The following MAN2B2 variants were observed in gnomAD, a reference collection of about 807,000 sequenced individuals.
MAN2B2 encodes the protein mannosidase alpha class 2B member 2, also known as epididymis-specific alpha-mannosidase.
A neutral mutation model predicts 117.1 loss-of-function variants in MAN2B2; 106 were observed. The ratio of observed to expected loss-of-function variants is 0.90; its 90% confidence interval spans 0.77 to 1.06. The LOEUF (loss-of-function observed/expected upper bound fraction) is 1.06. MAN2B2 is among the 50% of genes least tolerant of loss of function. The pLI, the probability that MAN2B2 is intolerant of heterozygous loss-of-function variation, is 0.00. For missense variants in MAN2B2, 1,326 were observed against 1,381.4 expected, an observed-to-expected ratio of 0.96 and a Z score of 0.64; for synonymous variants, 544 against 595.1, an observed-to-expected ratio of 0.91 and a Z score of 1.25.
chr4:6,610,987 G>T lies in MAN2B2; in HGVS notation c.2367G>T (p.Val789=). ...HGISSQGNGQ[V]EVMLHRRLWN... Reference sequence around the variant, plus strand: ...TCTCCAGCCAAGGGAATGGGCAGGTGGAGGTAGGAGGCACGGTCTGTCCTA... The same window carrying T: ...TCTCCAGCCAAGGGAATGGGCAGGTTGAGGTAGGAGGCACGGTCTGTCCTA... The change falls in exon 14 of 19, where the codon GTG becomes GTT. Residue 789 remains valine (V), a synonymous_variant. Coordinates refer to ENST00000285599, the MANE Select transcript of MAN2B2 (RefSeq NM_015274.3). The T allele has an allele frequency of 1.2e-6, 2 of 1,614,162 alleles. No homozygotes were observed. Among genetic ancestry groups the T allele is most frequent in the Non-Finnish European group, 1.7e-6 (2 of 1,180,012 alleles).
chr4:6,612,990 T>C (rs529813057), intron 15 of MAN2B2, among the ~76,000 whole-genome samples: 1 of 152,234 alleles, frequency 6.6e-6, no homozygotes, highest in African/African-American at 2.4e-5. Flanking sequence ...CCACCTGGGA[T>C]GTGACTCTGA....
chr4:6,620,122 C>T (rs1712099441), intron 18 of MAN2B2, 78 bp downstream of exon 18: 3 of 1,227,724 alleles, frequency 2.4e-6, no homozygotes, highest in Non-Finnish European at 3.4e-6. Context: ...GGTGCACATC[C>T]AACCATCTGC....
rs918719919 is a variant in MAN2B2, at chr4:6,619,596, G to A, written c.2815-331G>A. On this transcript the variant is annotated intron_variant, in intron 17 of 18. Coordinates refer to ENST00000285599, the MANE Select transcript of MAN2B2 (RefSeq NM_015274.3). ...CTGGCTTCCTCCCTGGACTGGGCAC[G>A]GGGCCACCTGAGCAATGTGGGGAGA... 40 of 264,764 alleles carry A rather than the reference G, an allele frequency of 1.5e-4. No individual in the cohort carries two copies. In the East Asian group the frequency reaches 2.7e-3, roughly 18 times the overall value. 16.4% of individuals were successfully genotyped at this position (264,764 alleles called of 1,614,324 possible). A position where few individuals can be genotyped will look rare whatever the true frequency, so the allele number is the denominator to read the frequency against.
At chr4:6,609,636 C>G in intron 12 of MAN2B2, 162 bp from the exon 13 acceptor site, 2 of 891,090 alleles carry the variant, frequency 2.2e-6, no homozygotes, top group South Asian at 3.3e-5. Context: ...CCCAGCCGCT[C>G]GGGGTCCTGG....
intron 7 of MAN2B2, 87 bp from the exon 8 acceptor site, chr4:6,597,026 C>A: frequency 7.4e-7 from 1 of 1,356,026 alleles, no homozygotes; most frequent in Non-Finnish European, 1.0e-6. Flanking sequence ...CCTCTGCAGC[C>A]CCAGCTTCTC....
At chr4:6,579,072 C>T (rs1429865247) in intron 3 of MAN2B2, among the ~76,000 whole-genome samples, 10 of 63,776 alleles carry the variant, frequency 1.6e-4, no homozygotes, top group African/African-American at 1.6e-4. Flanking sequence ...ATCACCATCA[C>T]CACCACCACC....
chr4:6,605,256 G>A lies in MAN2B2; in HGVS notation c.1741G>A (p.Val581Met). The change falls in exon 11 of 19, where the codon GTG becomes ATG. Residue 581 changes from valine to methionine, a missense_variant. By Grantham distance (21) the Val-to-Met change is conservative. Transcript: ENST00000285599. ...RRTSHAGRYL[V>M]PVANDCYIVL... ...CACCAGCCATGCGGGCAGGTACTTGGTGCCTGTGGCAAACGACTGCTACAT... is the reference window on the plus strand; with the variant it reads ...CACCAGCCATGCGGGCAGGTACTTGATGCCTGTGGCAAACGACTGCTACAT... The A allele has an allele frequency of 6.2e-7, 1 of 1,614,218 alleles. No homozygotes were observed. Among genetic ancestry groups the A allele is most frequent in the African/African-American group, 1.3e-5 (1 of 75,052 alleles).
At chr4:6,620,458 C>A (rs1712116211) in intron 18 of MAN2B2, 2 of 200,752 alleles carry the variant, frequency 1.0e-5, no homozygotes, top group South Asian at 1.7e-4. Context: ...CTGTCCGCAC[C>A]ATGCCCTCTG....
chr4:6,611,266 G>A lies in MAN2B2; in HGVS notation c.2551G>A (p.Gly851Arg), dbSNP rs778596906. The change falls in exon 15 of 19, where the codon GGA becomes AGA. Residue 851 changes from glycine (G) to arginine (R), a missense_variant. Gly to Arg is a moderately radical substitution (Grantham distance 125). Transcript: ENST00000285599. Reference protein sequence around the residue: ...ALQHRPVVLFGDLAGTAPKLP... With the variant: ...ALQHRPVVLFRDLAGTAPKLP... ...GCAGCACAGGCCCGTGGTGCTGTTC[G>A]GAGACCTCGCTGGTAAAGGGGCACC... 6.9e-6 allele frequency: 11 copies of A among 1,602,576 alleles called. No individual in the cohort carries two copies. Among genetic ancestry groups the A allele is most frequent in the South Asian group, 1.1e-5 (1 of 89,864 alleles).
At chr4:6,614,710 A>G (rs1169294396) in intron 16 of MAN2B2, among the ~76,000 whole-genome samples, 1 of 152,100 alleles carries the variant, frequency 6.6e-6, no homozygotes, top group Non-Finnish European at 1.5e-5. Context: ...GGAGCCCCCA[A>G]ACACCCAAAT....
chr4:6,614,442 C>T (rs963693180), intron 16 of MAN2B2, 87 bp downstream of exon 16: 27 of 1,492,454 alleles, frequency 1.8e-5, no homozygotes, highest in Admixed American at 1.9e-5. Context: ...CAGGGGCTCA[C>T]CTTAGAGCTA....
At position 6,605,292 on chromosome 4, in the gene MAN2B2, G is replaced by C. The variant is rs543092459; in HGVS notation, c.1777G>C (p.Asp593His). The C allele has an allele frequency of 6.2e-7, 1 of 1,613,408 alleles. No homozygotes were observed. The highest frequency in any genetic ancestry group is 2.2e-5 in the East Asian group (1 of 44,872). ...VANDCYIVLL[D>H]QDTNLMHSIW... Reference sequence around the variant, plus strand: ...AAACGACTGCTACATTGTGCTGCTCGACCAGGATACCAACCTGATGCACAG... The same window carrying C: ...AAACGACTGCTACATTGTGCTGCTCCACCAGGATACCAACCTGATGCACAG... The change falls in exon 11 of 19, where the codon GAC becomes CAC. Residue 593 changes from aspartate (D) to histidine (H), a missense_variant. Physicochemically the swap from Asp to His is moderately conservative, Grantham distance 81. Coordinates refer to ENST00000285599, the MANE Select transcript of MAN2B2 (RefSeq NM_015274.3).
At chr4:6,585,190 T>C (rs1577274890) in intron 3 of MAN2B2, among the ~76,000 whole-genome samples, 1 of 152,258 alleles carries the variant, frequency 6.6e-6, no homozygotes, top group Middle Eastern at 3.4e-3. Flanking sequence ...CCTCCCACAG[T>C]CATCCCCTGC....
rs760840203 is a variant in MAN2B2, at chr4:6,610,053, A to G, written c.2259+3A>G. On this transcript the variant is annotated splice_donor_region_variant and intron_variant, in intron 13 of 18. Coordinates refer to ENST00000285599, the MANE Select transcript of MAN2B2 (RefSeq NM_015274.3). ...ATGTGAACAACAGCATCGCCCGGGT[A>G]TGTCCTGCAATGCCCACAAGGCACG... is the stretch of plus-strand genomic sequence containing the variant. 6.2e-7 allele frequency: 1 copy of G among 1,613,882 alleles called. No homozygotes were observed. Among genetic ancestry groups the G allele is most frequent in the East Asian group, 2.2e-5 (1 of 44,874 alleles).
intron 16 of MAN2B2, among the ~76,000 whole-genome samples, 192 bp downstream of exon 16, chr4:6,614,547 G>A (rs1005746762): frequency 1.3e-5 from 2 of 152,166 alleles, no homozygotes; most frequent in South Asian, 2.1e-4. Flanking sequence ...CAAGCTGGAG[G>A]CGAGGTGGGC....
chr4:6,594,006 C>T lies in MAN2B2; in HGVS notation c.859-528C>T, dbSNP rs111858523. On this transcript the variant is annotated intron_variant, in intron 6 of 18. Coordinates refer to ENST00000285599, the MANE Select transcript of MAN2B2 (RefSeq NM_015274.3). ...GGCCCCAGAGCCTGCCTTCTTCATCCGTGACTGCCCTTGTGAAGGCAAGCT... is the reference window on the plus strand; with the variant it reads ...GGCCCCAGAGCCTGCCTTCTTCATCTGTGACTGCCCTTGTGAAGGCAAGCT... Among the ~76,000 whole-genome samples, 543 of 152,272 alleles carry T rather than the reference C, an allele frequency of 3.6e-3. 4 individuals carry two copies. The highest frequency in any genetic ancestry group is 0.012 in the African/African-American group (508 of 41,546).
Position 6,576,646 on chromosome 4 carries a change from G to T in MAN2B2, c.207G>T (p.Gln69His). 1 of 1,613,974 alleles carries T rather than the reference G, an allele frequency of 6.2e-7. No individual in the cohort carries two copies. Among genetic ancestry groups the T allele is most frequent in the Non-Finnish European group, 8.5e-7 (1 of 1,180,014 alleles). The part of the protein sequence containing the change: ...SVVEELARGQ[Q>H]RRFIAVEQEF... ...TGGAAGAGCTGGCCCGCGGCCAGCA[G>T]CGCCGGTTCATCGCTGTGGAGCAGG... Residue 69 changes from glutamine (Q) to histidine (H), a missense_variant, in exon 2 of 19, where the codon CAG (glutamine) becomes CAT (histidine). Transcript: ENST00000285599.
At chr4:6,619,662 C>T (rs937995767) in intron 17 of MAN2B2, 3 of 389,690 alleles carry the variant, frequency 7.7e-6, no homozygotes, top group African/African-American at 4.1e-5. Flanking sequence ...AAATGCCACA[C>T]CTCCCGGGCT....
At chr4:6,621,009 G>T in intron 18 of MAN2B2, 179 bp from the exon 19 acceptor site, 1 of 568,152 alleles carries the variant, frequency 1.8e-6, no homozygotes. Flanking sequence ...ACAGCAGACT[G>T]TAGCCAGGTG....
Sources: gnomAD v4.1 joint callset for allele counts (sites outside exome capture counted in the v4.1 genomes callset) on GRCh38, gnomAD v4.1.1 for gene constraint, MANE v1.5 for transcripts, NCBI Gene and HGNC (gene_info 2026-07-23, HGNC 2026-07-21) for gene names.